Variants in PCDH15 observed in about 807,000 individuals in gnomAD.
PCDH15 encodes protocadherin-15.
A neutral mutation model predicts 178.5 loss-of-function variants in PCDH15; 129 were observed. The observed-to-expected ratio is 0.72, with a 90% confidence interval of 0.63 to 0.84. The LOEUF is 0.84. PCDH15 is among the 40% of genes least tolerant of loss of function. The pLI is 0.00. For synonymous variants in PCDH15, 800 were observed against 732.0 expected (o/e 1.09, Z -1.50); for missense variants, 2,230 against 2,099.9 (o/e 1.06, Z -1.21).
intron 2 of PCDH15, among the ~76,000 whole-genome samples, chr10:55,572,782 A>G (rs1363963033): frequency 2.0e-5 from 3 of 152,084 alleles, no homozygotes; most frequent in Admixed American, 2.0e-4. Context: ...GGTAAAAGGC[A>G]TGCTGATCAT....
chr10:54,903,952 GC>G (rs1225781761), intron 2 of PCDH15, among the ~76,000 whole-genome samples: 1 of 152,036 alleles, frequency 6.6e-6, no homozygotes, highest in Non-Finnish European at 1.5e-5. Context: ...TATTCTGAGT[GC>G]ACTCTAGACA....
intron 2 of PCDH15, among the ~76,000 whole-genome samples, chr10:55,509,033 T>C (rs1471912018): frequency 2.6e-5 from 4 of 151,926 alleles, no homozygotes; most frequent in Non-Finnish European, 5.9e-5. Flanking sequence ...CTTAATATAC[T>C]ATTGTGTTAG....
chr10:53,878,315 C>CTG (rs1339497918), intron 26 of PCDH15, among the ~76,000 whole-genome samples: 13 of 59,342 alleles, frequency 2.2e-4, no homozygotes, highest in Non-Finnish European at 4.5e-4. Context: ...TATATATATT[C>CTG]TATATATATA....
intron 8 of PCDH15, among the ~76,000 whole-genome samples, chr10:54,240,462 A>G (rs1344586464): frequency 2.0e-5 from 3 of 152,066 alleles, no homozygotes; most frequent in Admixed American, 2.0e-4. Context: ...GTATCCTTAT[A>G]ATGAACCTCT....
chr10:55,386,875 C>T (rs1205458867), intron 2 of PCDH15, among the ~76,000 whole-genome samples: 1 of 151,948 alleles, frequency 6.6e-6, no homozygotes, highest in African/African-American at 2.4e-5. Flanking sequence ...TCTAAGATTT[C>T]TTCTTAGGTG....
At chr10:54,449,822 T>G (rs2076356116) in intron 3 of PCDH15, among the ~76,000 whole-genome samples, 1 of 151,732 alleles carries the variant, frequency 6.6e-6, no homozygotes, top group African/African-American at 2.4e-5. Context: ...GAGATTTTGG[T>G]ATCTGTTGGG....
chr10:54,909,791 C>G (rs955183908), intron 2 of PCDH15, among the ~76,000 whole-genome samples: 39 of 152,194 alleles, frequency 2.6e-4, no homozygotes, highest in African/African-American at 7.2e-4. Flanking sequence ...GCAGCACCAC[C>G]TCGGACCTGC....
chr10:55,491,212 A>T lies in PCDH15; in HGVS notation c.-156+136413T>A, dbSNP rs989139086. 8.6e-5 allele frequency among the ~76,000 whole-genome samples: 13 copies of T among 151,410 alleles called. No homozygotes were observed. In the East Asian group the frequency reaches 2.6e-3, roughly 30 times the overall value. ...GGTCAAGAAGACAGAGGCTCCCTTGACCCCCATCTCTCAATCTATATCTGA... is the reference window on the plus strand; with the variant it reads ...GGTCAAGAAGACAGAGGCTCCCTTGTCCCCCATCTCTCAATCTATATCTGA... On this transcript the variant is annotated intron_variant, in intron 2 of 5. Coordinates refer to the PCDH15 transcript ENST00000613346.
At chr10:55,070,503 C>A (rs1047964576) in intron 2 of PCDH15, among the ~76,000 whole-genome samples, 2 of 152,126 alleles carry the variant, frequency 1.3e-5, no homozygotes, top group Non-Finnish European at 2.9e-5. Context: ...CTATGGCTAG[C>A]CAGTTTTCCC....
chr10:54,650,886 A>G (rs753608187), intron 2 of PCDH15, among the ~76,000 whole-genome samples: 2 of 152,206 alleles, frequency 1.3e-5, no homozygotes, highest in Non-Finnish European at 2.9e-5. Flanking sequence ...TATGGGAGCT[A>G]AAATTCAAGA....
At chr10:55,056,656 G>A (rs188123951) in intron 2 of PCDH15, among the ~76,000 whole-genome samples, 13 of 142,030 alleles carry the variant, frequency 9.2e-5, no homozygotes, top group South Asian at 4.5e-4. Flanking sequence ...ATTTTGAGAC[G>A]GAGTCTTGCT....
At chr10:54,649,938 A>G (rs2094216986) in intron 2 of PCDH15, among the ~76,000 whole-genome samples, 1 of 152,112 alleles carries the variant, frequency 6.6e-6, no homozygotes, top group Non-Finnish European at 1.5e-5. Flanking sequence ...TTATGTCTCA[A>G]TCTACTTTTT....
At chr10:54,838,468 C>T (rs1953360828) in intron 3 of PCDH15, among the ~76,000 whole-genome samples, 1 of 152,134 alleles carries the variant, frequency 6.6e-6, no homozygotes, top group Non-Finnish European at 1.5e-5. Context: ...TTTTCTGAAG[C>T]CTCCCCAGCA....
intron 2 of PCDH15, among the ~76,000 whole-genome samples, chr10:55,441,447 A>G (rs1044864223): frequency 1.0e-5 from 1 of 99,568 alleles, no homozygotes; most frequent in East Asian, 4.3e-4. Context: ...TGAAAGACCA[A>G]AAGAAAGGAA....
intron 25 of PCDH15, among the ~76,000 whole-genome samples, chr10:53,907,421 T>C (rs893049106): frequency 6.6e-6 from 1 of 152,094 alleles, no homozygotes; most frequent in Non-Finnish European, 1.5e-5. Context: ...AGTATTCCCC[T>C]CCAGTCTCCC....
intron 1 of PCDH15, among the ~76,000 whole-genome samples, chr10:54,738,964 T>A (rs4342934): frequency 0.13 from 19,046 of 151,968 alleles, 1,350 homozygotes; most frequent in African/African-American, 0.18. Context: ...TAATACTGAA[T>A]GGGAAAACAT....
intron 1 of PCDH15, among the ~76,000 whole-genome samples, chr10:54,742,612 G>A (rs942351811): frequency 3.3e-5 from 5 of 151,994 alleles, no homozygotes; most frequent in African/African-American, 1.2e-4. Context: ...ATGACGTAGA[G>A]TGACACATCC....
intron 2 of PCDH15, among the ~76,000 whole-genome samples, chr10:55,520,640 T>C (rs1216926502): frequency 6.6e-6 from 1 of 151,242 alleles, no homozygotes; most frequent in South Asian, 2.1e-4. Flanking sequence ...TTCTCCATAG[T>C]ATAATGTTAA....
At position 54,658,378 on chromosome 10, in the gene PCDH15, G is replaced by A. The variant is rs560375054; in HGVS notation, c.91+5794C>T. ...ATACTAAAGAAAAAAATCTTAAACA[G>A]TAAGTATCAAACTATCTATAAAATG... On this transcript the variant is annotated intron_variant, in intron 2 of 37. Coordinates refer to ENST00000644397, the MANE Select transcript of PCDH15 (RefSeq NM_001384140.1). Among the ~76,000 whole-genome samples, 249 of 152,178 alleles carry A rather than the reference G, an allele frequency of 1.6e-3. 1 individual carries two copies. Among genetic ancestry groups the A allele is most frequent in the African/African-American group, 5.8e-3 (240 of 41,530 alleles).
Sources: allele counts gnomAD v4.1 joint callset (sites outside exome capture counted in the v4.1 genomes callset), GRCh38; gene constraint gnomAD v4.1.1; transcripts MANE v1.5; gene names NCBI Gene and HGNC (gene_info 2026-07-23, HGNC 2026-07-21).